FES: variants seen among roughly 807,000 people sequenced by gnomAD.
The protein encoded by FES is FES proto-oncogene, tyrosine kinase.
FES carries 83 observed loss-of-function variants against 109.6 expected under a neutral mutation model. That is an observed-to-expected ratio of 0.76 (90% CI 0.63 to 0.91). The LOEUF is 0.91. FES is among the 40% of genes least tolerant of loss of function. The probability of loss-of-function intolerance (pLI) is 0.00; values close to 1 mark genes in which losing one functional copy is unlikely to be tolerated. For synonymous variants in FES, 458 were observed against 442.1 expected (o/e 1.04, Z -0.45); for missense variants, 943 against 1,070.9 (o/e 0.88, Z 1.67).
chr15:90,892,998 G>A (rs1281364092), intron 14 of FES, 102 bp from the exon 15 acceptor site: 8 of 1,413,478 alleles, frequency 5.7e-6, no homozygotes, highest in African/African-American at 5.6e-5. Context: ...TCACACGTCC[G>A]GGTCTGCTGG....
Position 90,891,631 on chromosome 15 carries a change from C to T in FES, c.1608C>T (p.Pro536=). The part of the protein sequence containing the change: ...LIDHLLSTQQ[P]LTKKSGVVLH... ...ACCACCTACTGAGCACCCAGCAGCC[C>T]CTCACCAAGAAGAGTGGTGTTGTCC... Residue 536 remains proline, a synonymous_variant, in exon 12 of 19, where the codon CCC becomes CCT. Transcript: ENST00000328850. The T allele has an allele frequency of 6.2e-7, 1 of 1,614,016 alleles. No homozygotes were observed. Among genetic ancestry groups the T allele is most frequent in the Non-Finnish European group, 8.5e-7 (1 of 1,180,006 alleles).
chr15:90,893,546 G>A, intron 16 of FES, 108 bp from the exon 17 acceptor site: 1 of 1,492,164 alleles, frequency 6.7e-7, no homozygotes, highest in South Asian at 1.4e-5. Flanking sequence ...TGGTAGACAG[G>A]GGTGCCCAGG....
chr15:90,891,003 A>G lies in FES; in HGVS notation c.1342A>G (p.Ile448Val), dbSNP rs2033164260. ...CCAGCTCCCTCCACCGCTGCAGCTC[A>G]TTCCGGAGGTGCAGAAGCCCCTGCA... ...KFSLPPPLQL[I>V]PEVQKPLHEQ... The change falls in exon 11 of 19, where the codon ATT becomes GTT. Residue 448 changes from isoleucine to valine, a missense_variant. Transcript: ENST00000328850. The G allele has an allele frequency of 6.3e-7, 1 of 1,590,868 alleles. No individual in the cohort carries two copies. Among genetic ancestry groups the G allele is most frequent in the Admixed American group, 1.7e-5 (1 of 57,280 alleles).
At chr15:90,888,780 AT>A in intron 5 of FES, among the ~76,000 whole-genome samples, 1 of 151,168 alleles carries the variant, frequency 6.6e-6, no homozygotes, top group Non-Finnish European at 1.5e-5. Flanking sequence ...TTATTTATTT[AT>A]TTATTTATTT....
chr15:90,885,193 C>G lies in FES; in HGVS notation c.148C>G (p.His50Asp), dbSNP rs758846825. 1.2e-6 allele frequency: 2 copies of G among 1,613,824 alleles called. No homozygotes were observed. Among genetic ancestry groups the G allele is most frequent in the South Asian group, 2.2e-5 (2 of 91,092 alleles). Reference protein sequence around the residue: ...SDREYAGLLHHMSLQDSGGQS... With the variant: ...SDREYAGLLHDMSLQDSGGQS... ...CAGGGAGTATGCAGGACTGCTTCAC[C>G]ACATGTCCCTGCAGGACAGTGGGGG... is the stretch of plus-strand genomic sequence containing the variant. Residue 50 changes from histidine to aspartate, a missense_variant, in exon 2 of 19, where the codon CAC (histidine) becomes GAC (aspartate). His to Asp is a moderately conservative substitution (Grantham distance 81, BLOSUM62 -1). Coordinates refer to ENST00000328850, the MANE Select transcript of FES (RefSeq NM_002005.4).
chr15:90,886,993 C>A lies in FES; in HGVS notation c.420C>A (p.Ser140Arg). 1 of 1,614,154 alleles carries A rather than the reference C, an allele frequency of 6.2e-7. No individual in the cohort carries two copies. Among genetic ancestry groups the A allele is most frequent in the Non-Finnish European group, 8.5e-7 (1 of 1,180,026 alleles). Reference protein sequence around the residue: ...THSQDIEKLKSQYRALARDSA... With the variant: ...THSQDIEKLKRQYRALARDSA... Reference sequence around the variant, plus strand: ...GCCAGGACATTGAGAAGCTGAAGAGCCAGTACCGAGCTCTGGCACGGGACA... The same window carrying A: ...GCCAGGACATTGAGAAGCTGAAGAGACAGTACCGAGCTCTGGCACGGGACA... Residue 140 changes from serine (S) to arginine (R), a missense_variant, in exon 4 of 19, where the codon AGC (serine) becomes AGA (arginine). Coordinates refer to ENST00000328850, the MANE Select transcript of FES (RefSeq NM_002005.4).
chr15:90,886,944 C>T lies in FES; in HGVS notation c.388-17C>T, dbSNP rs201909137. 2 of 1,612,904 alleles carry T rather than the reference C, an allele frequency of 1.2e-6. No individual in the cohort carries two copies. Among genetic ancestry groups the T allele is most frequent in the East Asian group, 2.2e-5 (1 of 44,886 alleles). ...TGGGGACCTGCTGCCCCACACTGGC[C>T]TCTCCTCTCTCCCTAGACCCACAGC... On this transcript the variant is annotated splice_polypyrimidine_tract_variant and intron_variant, in intron 3 of 18. Coordinates refer to ENST00000328850, the MANE Select transcript of FES (RefSeq NM_002005.4).
At position 90,893,395 on chromosome 15, in the gene FES, A is replaced by T; in HGVS notation, c.2026A>T (p.Ser676Cys). ...DAAAGMEYLE[S>C]KCCIHRDLAA... ...AGCTGCTGGCATGGAGTACCTGGAG[A>T]GCAAGTGCTGCATCCACCGGTGAGT... The change falls in exon 16 of 19, where the codon AGC becomes TGC. Residue 676 changes from serine to cysteine, a missense_variant. By Grantham distance (112) the Ser-to-Cys change is moderately radical. Coordinates refer to ENST00000328850, the MANE Select transcript of FES (RefSeq NM_002005.4). The T allele has an allele frequency of 6.4e-7, 1 of 1,555,528 alleles. No homozygotes were observed. Among genetic ancestry groups the T allele is most frequent in the Non-Finnish European group, 8.7e-7 (1 of 1,153,032 alleles).
chr15:90,895,024 A>G (rs1007381786), intron 18 of FES, among the ~76,000 whole-genome samples: 4 of 152,152 alleles, frequency 2.6e-5, no homozygotes, highest in African/African-American at 9.7e-5. Context: ...CTGAGATCAC[A>G]CCACTGCATT....
Position 90,894,581 on chromosome 15 carries a change from A to G in FES, c.2326+523A>G, listed in dbSNP as rs771037599. On this transcript the variant is annotated intron_variant, in intron 18 of 18. Coordinates refer to ENST00000328850, the MANE Select transcript of FES (RefSeq NM_002005.4). Reference sequence around the variant, plus strand: ...GCCTGGGCGACAAGAGTGAAACTCCATCTCAAAAAAAACCAAAAAACAAAA... The same window carrying G: ...GCCTGGGCGACAAGAGTGAAACTCCGTCTCAAAAAAAACCAAAAAACAAAA... Among the ~76,000 whole-genome samples, 5 of 152,130 alleles carry G rather than the reference A, an allele frequency of 3.3e-5. No homozygotes were observed. In the South Asian group the frequency reaches 1.0e-3, roughly 32 times the overall value.
intron 18 of FES, among the ~76,000 whole-genome samples, chr15:90,895,149 AT>A (rs2033596193): frequency 6.6e-6 from 1 of 152,140 alleles, no homozygotes; most frequent in African/African-American, 2.4e-5. Flanking sequence ...ATGTTATTTC[AT>A]TTGCTCATCA....
intron 1 of FES, 175 bp from the exon 2 acceptor site, chr15:90,884,862 C>A: frequency 1.6e-6 from 1 of 616,252 alleles, no homozygotes; most frequent in Admixed American, 2.9e-5. Flanking sequence ...CAATGAGGGC[C>A]AGTCCCCAGG....
chr15:90,886,865 G>T, intron 3 of FES, 96 bp from the exon 4 acceptor site: 1 of 1,133,822 alleles, frequency 8.8e-7, no homozygotes, highest in East Asian at 2.4e-5. Context: ...GGTGCTCCTT[G>T]CCTGACGACA....
intron 4 of FES, 49 bp from the exon 5 acceptor site, chr15:90,887,138 G>T (rs1347553842): frequency 3.7e-6 from 6 of 1,611,804 alleles, no homozygotes; most frequent in African/African-American, 1.3e-5. Flanking sequence ...AGTGGGGGCT[G>T]CCTGGGCCTC....
chr15:90,885,487 G>A lies in FES; in HGVS notation c.289G>A (p.Gly97Arg), dbSNP rs898374541. 2 of 1,613,450 alleles carry A rather than the reference G, an allele frequency of 1.2e-6. No homozygotes were observed. Among genetic ancestry groups the A allele is most frequent in the Non-Finnish European group, 1.7e-6 (2 of 1,180,034 alleles). The change falls in exon 3 of 19, where the codon GGG becomes AGG. Residue 97 changes from glycine to arginine, a missense_variant. Transcript: ENST00000328850. ...GCAGCACGCAGAGGATCTGAACTCA[G>A]GGCCCCTGAGCAAGCTGAGCCTGCT... ...LRQHAEDLNS[G>R]PLSKLSLLIR...
At chr15:90,895,350 C>G (rs2033613763) in intron 18 of FES, 66 bp from the exon 19 acceptor site, 3 of 1,388,454 alleles carry the variant, frequency 2.2e-6, no homozygotes, top group South Asian at 3.1e-5. Flanking sequence ...CATGGTATCC[C>G]CCAGAGTCTG....
intron 18 of FES, 68 bp from the exon 19 acceptor site, chr15:90,895,347 TC>T: frequency 7.5e-7 from 1 of 1,332,022 alleles, no homozygotes. Flanking sequence ...GCTCATGGTA[TC>T]CCCCAGAGTC....
chr15:90,892,024 A>C, intron 12 of FES, 34 bp from the exon 13 acceptor site: 1 of 1,613,768 alleles, frequency 6.2e-7, no homozygotes, highest in Non-Finnish European at 8.5e-7. Context: ...CCTTTTCTTC[A>C]GACTTCTGAT....
chr15:90,891,658 G>C lies in FES; in HGVS notation c.1635G>C (p.Leu545=), dbSNP rs142500116. ...TCACCAAGAAGAGTGGTGTTGTCCT[G>C]CACAGGGCTGTGCCCAAGGTGAGCC... ...QPLTKKSGVV[L]HRAVPKDKWV... Residue 545 remains leucine (L), a synonymous_variant, in exon 12 of 19, where the codon CTG becomes CTC. Coordinates refer to ENST00000328850, the MANE Select transcript of FES (RefSeq NM_002005.4). The C allele has an allele frequency of 6.2e-7, 1 of 1,613,808 alleles. No individual in the cohort carries two copies. The highest frequency in any genetic ancestry group is 1.3e-5 in the African/African-American group (1 of 75,062).
Sources: allele counts gnomAD v4.1 joint callset (sites outside exome capture counted in the v4.1 genomes callset), GRCh38; gene constraint gnomAD v4.1.1; transcripts MANE v1.5; gene names NCBI Gene and HGNC (gene_info 2026-07-23, HGNC 2026-07-21).